CYRIB: variants seen among roughly 807,000 people sequenced by gnomAD.
CYRIB encodes CYFIP-related Rac1 interactor B.
Under a neutral mutation model 44.2 loss-of-function variants are expected in CYRIB, and 8 were observed. The observed-to-expected ratio is 0.18, with a 90% CI of 0.11 to 0.33. The LOEUF is 0.33. CYRIB is among the 10% of genes least tolerant of loss of function. The pLI, the probability that CYRIB is intolerant of heterozygous loss-of-function variation, is 1.00. For missense variants in CYRIB, 185 were observed against 382.8 expected (o/e 0.48, Z 4.31); for synonymous variants, 131 against 127.2 (o/e 1.03, Z -0.20).
At chr8:129,890,817 C>T (rs915124055) in intron 2 of CYRIB, among the ~76,000 whole-genome samples, 9 of 151,788 alleles carry the variant, frequency 5.9e-5, no homozygotes, top group African/African-American at 9.7e-5. Context: ...TTTTTGAACA[C>T]GGGAGGCGGA....
intron 3 of CYRIB, among the ~76,000 whole-genome samples, chr8:129,877,663 G>GGTGTGTGTGT (rs5895011): frequency 1.1e-4 from 14 of 130,682 alleles, no homozygotes; most frequent in African/African-American, 4.2e-4. Flanking sequence ...AAAAAAAAAA[G>GGTGTGTGTGT]GTGTGTGTGT....
chr8:129,928,036 T>C (rs151030946), intron 1 of CYRIB, among the ~76,000 whole-genome samples: 19 of 151,844 alleles, frequency 1.3e-4, no homozygotes, highest in Non-Finnish European at 2.4e-4. Context: ...AGAAACCTTT[T>C]AGAAGAAAAC....
intron 1 of CYRIB, among the ~76,000 whole-genome samples, chr8:129,982,891 C>T (rs546519817): frequency 6.6e-6 from 1 of 151,924 alleles, no homozygotes; most frequent in African/African-American, 2.4e-5. Context: ...CAAGCCACTA[C>T]AGAAGGTACT....
chr8:130,003,217 TAACAAC>T (rs528374664), intron 1 of CYRIB, among the ~76,000 whole-genome samples: 2 of 152,300 alleles, frequency 1.3e-5, no homozygotes, highest in East Asian at 3.9e-4. Flanking sequence ...GACCCTGTCT[TAACAAC>T]AACAACAACA....
At chr8:130,003,168 T>C (rs531384218) in intron 1 of CYRIB, among the ~76,000 whole-genome samples, 18 of 152,300 alleles carry the variant, frequency 1.2e-4, no homozygotes, top group African/African-American at 4.1e-4. Flanking sequence ...GGCTGCATCA[T>C]GATCGTGCCA....
upstream of CYRIB, among the ~76,000 whole-genome samples, chr8:129,942,482 G>A (rs185726921): frequency 6.6e-6 from 1 of 152,154 alleles, no homozygotes; most frequent in Non-Finnish European, 1.5e-5. Context: ...TACCCCACAT[G>A]GGAATTCCCT....
Position 129,883,621 on chromosome 8 carries a change from C to CAAACAAACAAAA in CYRIB, c.-10-4151_-10-4150insTTTTGTTTGTTT, listed in dbSNP as rs561899344. On this transcript the variant is annotated intron_variant, in intron 2 of 11. Coordinates refer to ENST00000519824, the Ensembl canonical transcript of CYRIB. The stretch of plus-strand genomic sequence containing the variant: ...GCCAAAAACCAAACAAACAAACAAA[C>CAAACAAACAAAA]AAAAAAAACCCCTGCTGTCCTCTCA... Among the ~76,000 whole-genome samples the CAAACAAACAAAA allele has an allele frequency of 4.4e-4, 67 of 151,800 alleles. No individual in the cohort carries two copies. The South Asian group carries it at 9.6e-3, about 22-fold the overall frequency.
At chr8:129,933,996 T>C (rs572922893) in intron 1 of CYRIB, among the ~76,000 whole-genome samples, 2 of 152,216 alleles carry the variant, frequency 1.3e-5, no homozygotes, top group East Asian at 3.9e-4. Flanking sequence ...CAGAAAGGGC[T>C]GTATGTATAA....
chr8:129,900,772 C>T (rs1297784011), intron 2 of CYRIB, among the ~76,000 whole-genome samples: 1 of 152,130 alleles, frequency 6.6e-6, no homozygotes, highest in Non-Finnish European at 1.5e-5. Context: ...CTCCGCCTCC[C>T]AGGCTCAAGC....
chr8:129,906,650 T>C (rs1303968631), intron 1 of CYRIB, among the ~76,000 whole-genome samples: 2 of 152,150 alleles, frequency 1.3e-5, no homozygotes, highest in Middle Eastern at 6.8e-3. Flanking sequence ...GAAACTACCA[T>C]CAGAGTGAAC....
intron 1 of CYRIB, among the ~76,000 whole-genome samples, chr8:129,923,673 T>C (rs2085332244): frequency 6.6e-6 from 1 of 152,100 alleles, no homozygotes; most frequent in Non-Finnish European, 1.5e-5. Context: ...AAATCAAAAG[T>C]ATAATTGTTG....
intron 3 of CYRIB, among the ~76,000 whole-genome samples, chr8:129,873,567 T>C (rs2058114799): frequency 6.6e-6 from 1 of 151,984 alleles, no homozygotes; most frequent in Admixed American, 6.6e-5. Flanking sequence ...ATAACATCAA[T>C]AGTAGACACG....
chr8:129,928,634 T>C (rs2089466110), intron 1 of CYRIB, among the ~76,000 whole-genome samples: 1 of 150,140 alleles, frequency 6.7e-6, no homozygotes. Flanking sequence ...TACTCCAGCC[T>C]GAGTGACAAA....
intron 1 of CYRIB, among the ~76,000 whole-genome samples, chr8:130,000,860 C>A (rs2096891458): frequency 6.6e-6 from 1 of 151,560 alleles, no homozygotes; most frequent in Non-Finnish European, 1.5e-5. Context: ...AGAGCAAGAC[C>A]CTGTTTCTAA....
chr8:129,953,995 G>A (rs761722191), intron 2 of CYRIB, among the ~76,000 whole-genome samples: 7 of 152,060 alleles, frequency 4.6e-5, no homozygotes, highest in Admixed American at 2.6e-4. Flanking sequence ...TAAAAAAAAT[G>A]GACCAGTTAA....
chr8:129,900,098 G>A lies in CYRIB; in HGVS notation c.-11+3214C>T, dbSNP rs564334964. Reference sequence around the variant, plus strand: ...AGAAAATCTGAGCCCAGACTAAAGGGTTTGTGAAATGACTTGAACGAGCTC... The same window carrying A: ...AGAAAATCTGAGCCCAGACTAAAGGATTTGTGAAATGACTTGAACGAGCTC... On this transcript the variant is annotated intron_variant, in intron 2 of 11. Coordinates refer to ENST00000519824, the Ensembl canonical transcript of CYRIB. Among the ~76,000 whole-genome samples, 4 of 152,278 alleles carry A rather than the reference G, an allele frequency of 2.6e-5. No homozygotes were observed. The East Asian group carries it at 5.8e-4, about 22-fold the overall frequency.
At chr8:129,953,322 G>C (rs1163117229) in intron 2 of CYRIB, among the ~76,000 whole-genome samples, 1 of 152,136 alleles carries the variant, frequency 6.6e-6, no homozygotes, top group Non-Finnish European at 1.5e-5. Context: ...CAATAACAGG[G>C]ACCCTAGTGC....
At chr8:129,876,683 G>A (rs775466161) in intron 3 of CYRIB, among the ~76,000 whole-genome samples, 1 of 151,002 alleles carries the variant, frequency 6.6e-6, no homozygotes. Flanking sequence ...TACAAATAGC[G>A]AGGTAATCTG....
At chr8:130,006,627 T>TATACACATATATGTATATATATAC (rs1554785151) in intron 1 of CYRIB, among the ~76,000 whole-genome samples, 2 of 7,544 alleles carry the variant, frequency 2.7e-4, no homozygotes, top group African/African-American at 7.8e-4. Flanking sequence ...TGTATATATA[T>TATACACATATATGTATATATATAC]ACATATATAT....
Sources: allele counts gnomAD v4.1 joint callset (sites outside exome capture counted in the v4.1 genomes callset), GRCh38; gene constraint gnomAD v4.1.1; transcripts MANE v1.5; gene names NCBI Gene and HGNC (gene_info 2026-07-23, HGNC 2026-07-21).